Variants in PSMB1 observed in about 807,000 individuals in gnomAD.
PSMB1 encodes the protein proteasome subunit beta type-1.
In PSMB1, 7 loss-of-function variants were observed where a neutral mutation model predicts 25.4. The observed-to-expected ratio is 0.28, with a 90% CI of 0.16 to 0.52. The LOEUF is 0.52. Ranked by LOEUF, PSMB1 falls within the 20% of genes least tolerant of loss-of-function variation. The pLI, the probability that PSMB1 is intolerant of heterozygous loss-of-function variation, is 0.97. For missense variants in PSMB1, 284 were observed against 302.2 expected (o/e 0.94, Z 0.45); for synonymous variants, 119 against 115.0 (o/e 1.03, Z -0.22).
intron 5 of PSMB1, among the ~76,000 whole-genome samples, chr6:170,536,659 GTTTA>G (rs558903207): frequency 4.0e-4 from 61 of 152,222 alleles, no homozygotes; most frequent in African/African-American, 1.1e-3. Context: ...CTTTCCTGTA[GTTTA>G]TTTATCATAA....
At chr6:170,545,286 T>C (rs1778804725) in intron 3 of PSMB1, among the ~76,000 whole-genome samples, 1 of 152,226 alleles carries the variant, frequency 6.6e-6, no homozygotes, top group Non-Finnish European at 1.5e-5. Context: ...CTTGTTTTAT[T>C]AACAATATCA....
chr6:170,544,745 AAAT>A (rs1409574220), intron 3 of PSMB1, among the ~76,000 whole-genome samples: 1 of 152,230 alleles, frequency 6.6e-6, no homozygotes, highest in African/African-American at 2.4e-5. Context: ...CCGTAAAATT[AAAT>A]AATGACAGTC....
intron 3 of PSMB1, among the ~76,000 whole-genome samples, chr6:170,544,446 C>CT (rs1310349637): frequency 2.0e-5 from 3 of 148,598 alleles, no homozygotes; most frequent in Admixed American, 2.0e-4. Context: ...TTTACTATAC[C>CT]TTTGCGAGCC....
intron 4 of PSMB1, among the ~76,000 whole-genome samples, chr6:170,540,932 T>C (rs1462562847): frequency 2.0e-5 from 3 of 150,782 alleles, no homozygotes; most frequent in African/African-American, 7.3e-5. Flanking sequence ...TGCAGAGGGG[T>C]AGGGGAGGAG....
chr6:170,544,621 G>C (rs934878633), intron 3 of PSMB1, among the ~76,000 whole-genome samples: 4 of 152,162 alleles, frequency 2.6e-5, no homozygotes, highest in Non-Finnish European at 5.9e-5. Flanking sequence ...GAGAATGTTT[G>C]AGCCCAGGAG....
Position 170,535,178 on chromosome 6 carries a change from A to G in PSMB1, c.*42T>C. The stretch of plus-strand genomic sequence containing the variant: ...TCCAAGGTACAGTTCCAAAGTACAA[A>G]ATCAACCAGGTCTGAACTGATTGGT... On this transcript the variant is annotated 3_prime_UTR_variant, in exon 6 of 6. Coordinates refer to ENST00000262193, the MANE Select transcript of PSMB1 (RefSeq NM_002793.4). 6.4e-7 allele frequency: 1 copy of G among 1,556,136 alleles called. No individual in the cohort carries two copies. The highest frequency in any genetic ancestry group is 1.9e-5 in the Admixed American group (1 of 53,730).
At chr6:170,552,340 A>G (rs1583118987) in intron 1 of PSMB1, among the ~76,000 whole-genome samples, 1 of 152,062 alleles carries the variant, frequency 6.6e-6, no homozygotes, top group Non-Finnish European at 1.5e-5. Context: ...CAAGAGTCTT[A>G]AACAGAGCAT....
At chr6:170,548,090 G>A (rs146924394) in intron 2 of PSMB1, among the ~76,000 whole-genome samples, 314 of 152,202 alleles carry the variant, frequency 2.1e-3, no homozygotes, top group African/African-American at 7.4e-3. Flanking sequence ...GCAGAAAGGG[G>A]GTATCAAAAG....
intron 4 of PSMB1, among the ~76,000 whole-genome samples, chr6:170,537,976 A>T (rs1231439979): frequency 6.6e-6 from 1 of 152,366 alleles, no homozygotes; most frequent in East Asian, 1.9e-4. Flanking sequence ...CATCCGCAAG[A>T]CACAGTAAAA....
rs746668103 is a variant in PSMB1 at position 170,535,282 on chromosome 6, G to A, written c.664C>T (p.Arg222Trp). Residue 222 changes from arginine to tryptophan, a missense_variant, in exon 6 of 6, where the codon CGG (arginine) becomes TGG (tryptophan). Physicochemically the swap from Arg to Trp is moderately radical, Grantham distance 101 (BLOSUM62 -3). Coordinates refer to ENST00000262193, the MANE Select transcript of PSMB1 (RefSeq NM_002793.4). ...CCCTCTTTGGTCACTATGCAGATCC[G>A]GAGTGCGTCCCCAGTGTACACATCT... ...ERDVYTGDAL[R>W]ICIVTKEGIR... is the part of the protein sequence containing the mutation. 12 of 1,614,124 alleles carry A rather than the reference G, an allele frequency of 7.4e-6. No homozygotes were observed. Among genetic ancestry groups the A allele is most frequent in the South Asian group, 1.1e-5 (1 of 91,078 alleles).
chr6:170,551,920 T>C (rs1778908088), intron 1 of PSMB1, among the ~76,000 whole-genome samples: 1 of 152,200 alleles, frequency 6.6e-6, no homozygotes, highest in African/African-American at 2.4e-5. Flanking sequence ...CTAAGGAAGA[T>C]AAGGAAATTT....
chr6:170,541,988 T>C (rs774031966), intron 4 of PSMB1, among the ~76,000 whole-genome samples: 1 of 152,214 alleles, frequency 6.6e-6, no homozygotes, highest in Non-Finnish European at 1.5e-5. Context: ...CCAGGCATAA[T>C]GTAAGTCAAA....
At chr6:170,540,737 A>T (rs1778749561) in intron 4 of PSMB1, among the ~76,000 whole-genome samples, 1 of 152,006 alleles carries the variant, frequency 6.6e-6, no homozygotes, top group Non-Finnish European at 1.5e-5. Flanking sequence ...GATTTTTTTT[A>T]AAAAGACAAA....
chr6:170,553,072 G>A, intron 1 of PSMB1, 58 bp downstream of exon 1: 2 of 1,448,832 alleles, frequency 1.4e-6, no homozygotes, highest in South Asian at 1.2e-5. Flanking sequence ...CTCCTAAATA[G>A]GCTTCAGCAG....
At chr6:170,540,783 G>A (rs1345844378) in intron 4 of PSMB1, among the ~76,000 whole-genome samples, 2 of 151,670 alleles carry the variant, frequency 1.3e-5, no homozygotes, top group African/African-American at 4.8e-5. Context: ...AATGACACCA[G>A]AAATAAAAGC....
intron 4 of PSMB1, among the ~76,000 whole-genome samples, chr6:170,541,186 G>A (rs1359587692): frequency 6.6e-6 from 1 of 152,110 alleles, no homozygotes; most frequent in Non-Finnish European, 1.5e-5. Context: ...CCATCCTGGA[G>A]CAAGGGGAAA....
At chr6:170,537,160 T>C (rs1447719894) in intron 5 of PSMB1, 74 bp downstream of exon 5, 2 of 1,162,674 alleles carry the variant, frequency 1.7e-6, no homozygotes, top group African/African-American at 1.5e-5. Context: ...AGAGGAGAAC[T>C]TGGAGGAAGG....
intron 3 of PSMB1, among the ~76,000 whole-genome samples, chr6:170,544,208 A>C (rs73793711): frequency 0.03 from 3,841 of 127,640 alleles, 163 homozygotes; most frequent in African/African-American, 0.12. Flanking sequence ...AATATTTACT[A>C]TCTGGTCCTT....
Position 170,535,369 on chromosome 6 carries a change from G to T in PSMB1, c.577C>A (p.Pro193Thr). The change falls in exon 6 of 6, where the codon CCG (proline) becomes ACG (threonine). Residue 193 changes from proline to threonine, a missense_variant. Pro to Thr is a conservative substitution (Grantham distance 38). Transcript: ENST00000262193. Reference protein sequence around the residue: ...FKNMQNVEHVPLSLDRAMRLV... With the variant: ...FKNMQNVEHVTLSLDRAMRLV... ...CGCATGGCTCTGTCCAAGGACAGCG[G>T]AACATGCTCCACATTCTGCATGTTC... The T allele has an allele frequency of 1.2e-6, 2 of 1,613,938 alleles. No individual in the cohort carries two copies. The highest frequency in any genetic ancestry group is 1.7e-6 in the Non-Finnish European group (2 of 1,179,938).
Sources: gnomAD v4.1 joint callset for allele counts (sites outside exome capture counted in the v4.1 genomes callset) on GRCh38, gnomAD v4.1.1 for gene constraint, MANE v1.5 for transcripts, NCBI Gene and HGNC (gene_info 2026-07-23, HGNC 2026-07-21) for gene names.